NFASC: variants seen among roughly 807,000 people sequenced by gnomAD.
NFASC encodes neurofascin.
Under a neutral mutation model 147.5 loss-of-function variants are expected in NFASC, and 43 were observed. The ratio of observed to expected loss-of-function variants is 0.29; its 90% CI spans 0.23 to 0.38. The LOEUF is 0.38. Ranked by LOEUF, NFASC falls within the 10% of genes least tolerant of loss-of-function variation. The probability of loss-of-function intolerance (pLI) is 1.00; values close to 1 mark genes in which losing one functional copy is unlikely to be tolerated. For synonymous variants in NFASC, 622 were observed against 665.5 expected (o/e 0.93, Z 1.01); for missense variants, 1,320 against 1,689.0 (o/e 0.78, Z 3.83).
At chr1:204,992,027 TCTGGGCTTAGGAC>T (rs2095748487) in intron 24 of NFASC, among the ~76,000 whole-genome samples, 1 of 152,210 alleles carries the variant, frequency 6.6e-6, no homozygotes, top group South Asian at 2.1e-4. Flanking sequence ...GCTGGGCAGC[TCTGGGCTTAGGAC>T]CTGCTAATCA....
chr1:205,000,971 G>T (rs1303771775), intron 25 of NFASC, 199 bp from the exon 26 acceptor site: 5 of 606,892 alleles, frequency 8.2e-6, no homozygotes, highest in Middle Eastern at 4.4e-4. Flanking sequence ...GGCCACCAAG[G>T]CTGCAGCTTG....
At chr1:204,989,170 G>T in intron 23 of NFASC, 1 of 279,998 alleles carries the variant, frequency 3.6e-6, no homozygotes, top group South Asian at 4.0e-5. Flanking sequence ...TCTTGAGGGA[G>T]GCAGGAATAT....
intron 1 of NFASC, among the ~76,000 whole-genome samples, chr1:204,867,009 A>G (rs1338276908): frequency 6.6e-6 from 1 of 152,168 alleles, no homozygotes; most frequent in Non-Finnish European, 1.5e-5. Flanking sequence ...CCAGAGATGG[A>G]GTAAAGGAAT....
At chr1:204,855,710 T>C (rs2076095499) in intron 1 of NFASC, among the ~76,000 whole-genome samples, 1 of 152,166 alleles carries the variant, frequency 6.6e-6, no homozygotes, top group African/African-American at 2.4e-5. Context: ...GCCTTGGACC[T>C]CACCCTCCAA....
chr1:204,951,990 G>A (rs1470457100), intron 4 of NFASC, 21 bp from the exon 5 acceptor site: 3 of 1,608,330 alleles, frequency 1.9e-6, no homozygotes, highest in Non-Finnish European at 2.6e-6. Flanking sequence ...CCCTGACCAT[G>A]CTCCCTGTGC....
intron 2 of NFASC, among the ~76,000 whole-genome samples, chr1:204,941,623 A>G (rs561892010): frequency 1.8e-4 from 28 of 152,252 alleles, no homozygotes; most frequent in Admixed American, 4.6e-4. Flanking sequence ...CAGTTGCCTG[A>G]TCTGAGTCTG....
chr1:204,831,162 G>A (rs549339699), intron 1 of NFASC, among the ~76,000 whole-genome samples: 1 of 152,222 alleles, frequency 6.6e-6, no homozygotes, highest in South Asian at 2.1e-4. Context: ...CAGGTGAAGT[G>A]GGGGATTCTA....
At chr1:204,950,720 G>A (rs2094047632) in intron 4 of NFASC, 146 bp downstream of exon 4, 11 of 757,466 alleles carry the variant, frequency 1.5e-5, no homozygotes, top group Non-Finnish European at 2.3e-5. Flanking sequence ...TCTTACTGCG[G>A]GGGAAGGAAG....
intron 1 of NFASC, chr1:204,871,144 ACT>A: frequency 8.0e-7 from 1 of 1,245,730 alleles, no homozygotes; most frequent in East Asian, 5.6e-5. Flanking sequence ...GCCTTCAAAG[ACT>A]CTGAAGCGGT....
At chr1:205,002,504 C>T (rs1249315705) in intron 26 of NFASC, 92 bp from the exon 27 acceptor site, 27 of 1,125,784 alleles carry the variant, frequency 2.4e-5, no homozygotes, top group Admixed American at 2.3e-4. Context: ...TTCCCCCACA[C>T]TTTCTACCTT....
intron 1 of NFASC, among the ~76,000 whole-genome samples, chr1:204,918,137 A>T (rs2089687724): frequency 6.6e-6 from 1 of 152,218 alleles, no homozygotes; most frequent in Non-Finnish European, 1.5e-5. Flanking sequence ...ATTTATTCCC[A>T]ATGAACATAT....
chr1:204,830,084 GACA>G (rs539287548), intron 1 of NFASC, among the ~76,000 whole-genome samples: 1 of 151,072 alleles, frequency 6.6e-6, no homozygotes, highest in African/African-American at 2.4e-5. Flanking sequence ...TGGGGGAGAG[GACA>G]ACAATACCCC....
intron 1 of NFASC, among the ~76,000 whole-genome samples, chr1:204,863,620 G>T (rs1421556220): frequency 6.6e-6 from 1 of 151,984 alleles, no homozygotes; most frequent in African/African-American, 2.4e-5. Flanking sequence ...AAGGCCGAGG[G>T]GGGTGGATCA....
intron 10 of NFASC, among the ~76,000 whole-genome samples, chr1:204,969,894 G>A (rs1187464999): frequency 6.6e-6 from 1 of 151,678 alleles, no homozygotes; most frequent in African/African-American, 2.4e-5. Context: ...TGGCCAAAAT[G>A]ATGAAACCCC....
intron 8 of NFASC, among the ~76,000 whole-genome samples, chr1:204,963,269 G>T (rs576042061): frequency 6.6e-6 from 1 of 152,342 alleles, no homozygotes; most frequent in South Asian, 2.1e-4. Flanking sequence ...GGGGACCTTT[G>T]TTGGATTCTA....
intron 26 of NFASC, among the ~76,000 whole-genome samples, chr1:205,002,252 G>A (rs981131778): frequency 2.0e-5 from 3 of 152,370 alleles, no homozygotes; most frequent in Non-Finnish European, 4.4e-5. Context: ...CCAGATCCAT[G>A]TGAAAAGTTA....
intron 2 of NFASC, among the ~76,000 whole-genome samples, chr1:204,923,093 G>C (rs1331972478): frequency 8.5e-5 from 13 of 152,210 alleles, no homozygotes. Flanking sequence ...GTCCAACTCT[G>C]GCACCTGTGT....
chr1:204,966,631 C>T (rs939490803), intron 8 of NFASC, among the ~76,000 whole-genome samples: 4 of 152,128 alleles, frequency 2.6e-5, no homozygotes, highest in Non-Finnish European at 5.9e-5. Context: ...AATGGATTAA[C>T]CCCTTCAGTA....
chr1:205,014,651 C>A lies in NFASC; in HGVS notation c.3492-1657C>A, dbSNP rs533197366. 2.7e-4 allele frequency among the ~76,000 whole-genome samples: 41 copies of A among 152,292 alleles called. No homozygotes were observed. In the South Asian group the frequency reaches 5.2e-3, roughly 19 times the overall value. ...TTAGGAGAGGTCTGTTCGGTCTGTT[C>A]TTTTCAGACCTAGATCCCCCGTCCC... On this transcript the variant is annotated intron_variant, in intron 29 of 29. Transcript: ENST00000339876.
Sources: gnomAD v4.1 joint callset for allele counts (sites outside exome capture counted in the v4.1 genomes callset) on GRCh38, gnomAD v4.1.1 for gene constraint, MANE v1.5 for transcripts, NCBI Gene and HGNC (gene_info 2026-07-23, HGNC 2026-07-21) for gene names.